Variants in LRRK2 observed in about 807,000 individuals in gnomAD.
LRRK2 encodes leucine rich repeat kinase 2.
Under a neutral mutation model 302.6 loss-of-function variants are expected in LRRK2, and 203 were observed. The observed-to-expected ratio is 0.67, with a 90% CI of 0.60 to 0.75. The LOEUF (loss-of-function observed/expected upper bound fraction) is 0.75, where lower values mean the gene tolerates loss of function less well. Ranked by LOEUF, LRRK2 falls within the 30% of genes least tolerant of loss-of-function variation. The pLI is 0.00. For synonymous variants in LRRK2, 1,066 were observed against 1,031.9 expected (o/e 1.03, Z -0.63); for missense variants, 2,830 against 2,951.0 (o/e 0.96, Z 0.95).
At chr12:40,367,477 T>C in intron 50 of LRRK2, 167 bp from the exon 51 acceptor site, 1 of 533,944 alleles carries the variant, frequency 1.9e-6, no homozygotes, top group Non-Finnish European at 3.1e-6. Context: ...TTATAAAACT[T>C]TTCCAAGTAT....
At chr12:40,284,857 A>G (rs1023189211) in intron 19 of LRRK2, among the ~76,000 whole-genome samples, 16 of 152,102 alleles carry the variant, frequency 1.1e-4, no homozygotes, top group Admixed American at 6.6e-4. Context: ...TGCAAGTAAC[A>G]TGTTTGCTTC....
rs763786946 is a variant in LRRK2 at position 40,363,487 on chromosome 12, G to C, written c.7114G>C (p.Val2372Leu). 6.2e-7 allele frequency: 1 copy of C among 1,612,120 alleles called. No individual in the cohort carries two copies. Among genetic ancestry groups the C allele is most frequent in the Non-Finnish European group, 8.5e-7 (1 of 1,178,760 alleles). Residue 2372 changes from valine to leucine, a missense_variant, in exon 48 of 51, where the codon GTT becomes CTT. By Grantham distance (32) the Val-to-Leu change is conservative. Coordinates refer to ENST00000298910, the MANE Select transcript of LRRK2 (RefSeq NM_198578.4). ...CTATATTGCTAAGCAAAATAGCCCT[G>C]TTGTGGAAGTGTGGGATAAGAAAAC... ...ALYIAKQNSP[V>L]VEVWDKKTEK... is the part of the protein sequence containing the mutation.
chr12:40,352,908 A>G (rs1182324658), intron 44 of LRRK2, among the ~76,000 whole-genome samples: 1 of 152,036 alleles, frequency 6.6e-6, no homozygotes. Flanking sequence ...TTTTCCCCAC[A>G]TTTCCCCCTT....
chr12:40,225,379 A>C, intron 1 of LRRK2, 97 bp downstream of exon 1: 1 of 1,464,914 alleles, frequency 6.8e-7, no homozygotes, highest in Non-Finnish European at 9.4e-7. Context: ...ACCCTGCTCA[A>C]ACCCGGACTC....
intron 38 of LRRK2, among the ~76,000 whole-genome samples, chr12:40,325,864 G>A (rs1197560328): frequency 6.6e-6 from 1 of 152,120 alleles, no homozygotes; most frequent in Admixed American, 6.5e-5. Context: ...GACTTGTTTT[G>A]TGAATATATT....
rs1943972258 is a variant in LRRK2, at chr12:40,287,427, C to A, written c.2577C>A (p.Gly859=). The part of the protein sequence containing the change: ...KSAVEEGTAS[G]SDGNFSEDVL... ...CTGTGGAAGAAGGAACAGCCTCAGG[C>A]AGCGATGGAAATTTTTCTGAAGATG... Residue 859 remains glycine (G), a synonymous_variant, in exon 20 of 51, where the codon GGC becomes GGA. Coordinates refer to ENST00000298910, the MANE Select transcript of LRRK2 (RefSeq NM_198578.4). The A allele has an allele frequency of 1.2e-6, 2 of 1,612,564 alleles. No homozygotes were observed.
Position 40,308,465 on chromosome 12 carries a change from A to C in LRRK2, c.3960-2A>C. 6.2e-7 allele frequency: 1 copy of C among 1,609,398 alleles called. No homozygotes were observed. Among genetic ancestry groups the C allele is most frequent in the Non-Finnish European group, 8.5e-7 (1 of 1,176,328 alleles). ...ATTTTATTTTTATCTTTCAAATACT[A>C]GGTTTCTTCAACAGCGATTAAAAAA... On this transcript the variant is annotated splice_acceptor_variant, in intron 28 of 50. Transcript: ENST00000298910. LOFTEE classifies it high-confidence loss of function.
chr12:40,233,643 A>G (rs1269018393), intron 3 of LRRK2, among the ~76,000 whole-genome samples: 3 of 152,370 alleles, frequency 2.0e-5, no homozygotes, highest in African/African-American at 7.2e-5. Flanking sequence ...AAAATATACC[A>G]GTAATTAGGA....
rs529135148 is a variant in LRRK2 at position 40,295,012 on chromosome 12, G to C, written c.2878+98G>C. 1.9e-5 allele frequency: 14 copies of C among 753,734 alleles called. No homozygotes were observed. In the African/African-American group the frequency reaches 1.9e-4, roughly 10 times the overall value. The allele number at this position is 753,734 out of a possible 1,614,324, so 46.7% of individuals were successfully genotyped here. On this transcript the variant is annotated intron_variant, in intron 22 of 50. Coordinates refer to ENST00000298910, the MANE Select transcript of LRRK2 (RefSeq NM_198578.4). ...AATTATTCAAATATTCTTGGTGCCA[G>C]TTTCATCTTACATAATCTTCATATA...
chr12:40,250,702 C>T (rs1249522250), intron 8 of LRRK2, among the ~76,000 whole-genome samples: 1 of 152,166 alleles, frequency 6.6e-6, no homozygotes, highest in Non-Finnish European at 1.5e-5. Flanking sequence ...TGTCCCTCTC[C>T]CTGTGTTCAT....
chr12:40,229,955 CTTTTT>C (rs71078229), intron 2 of LRRK2, among the ~76,000 whole-genome samples: 3 of 92,926 alleles, frequency 3.2e-5, no homozygotes, highest in East Asian at 4.8e-4. Context: ...TCCTATGTGA[CTTTTT>C]TTTTTTTTTT....
At chr12:40,321,275 T>A in intron 35 of LRRK2, 87 bp downstream of exon 35, 1 of 1,252,412 alleles carries the variant, frequency 8.0e-7, no homozygotes. Flanking sequence ...AGATGGCATA[T>A]GAAAAGTAAT....
intron 13 of LRRK2, among the ~76,000 whole-genome samples, chr12:40,260,593 A>G (rs1942725363): frequency 6.6e-6 from 1 of 152,114 alleles, no homozygotes; most frequent in Admixed American, 6.6e-5. Flanking sequence ...TGCCTTTTAA[A>G]AATGGAAGCC....
rs1946967833 is a variant in LRRK2, at chr12:40,369,258, A to AT, written c.*1494dup. 6.6e-6 allele frequency: 1 copy of AT among 151,852 alleles called. No individual in the cohort carries two copies. The highest frequency in any genetic ancestry group is 2.1e-4 in the South Asian group (1 of 4,832). 9.4% of individuals were successfully genotyped at this position (151,852 alleles called of 1,614,324 possible). On this transcript the variant is annotated 3_prime_UTR_variant, in exon 51 of 51. Transcript: ENST00000298910. ...AAAATGAATACCATATTTAAATGGA[A>AT]TAATAAAGGTTTTTTAAAAACTTTA...
In LRRK2 at chr12:40,249,942, C is replaced by T; in HGVS notation, c.955C>T (p.Leu319Phe). 6.2e-7 allele frequency: 1 copy of T among 1,613,622 alleles called. No homozygotes were observed. Residue 319 changes from leucine to phenylalanine, a missense_variant, in exon 8 of 51, where the codon CTC becomes TTC. By Grantham distance (22) the Leu-to-Phe change is conservative. Coordinates refer to ENST00000298910, the MANE Select transcript of LRRK2 (RefSeq NM_198578.4). The stretch of plus-strand genomic sequence containing the variant: ...CTCAGCGCTCAGCTGTTTGGCCCTC[C>T]TCAGTAAGTAACTTCACTAAAAAGG... ...QISALSCLAL[L>F]TETIFLNQDL...
At chr12:40,302,105 G>T (rs1944652061) in intron 25 of LRRK2, among the ~76,000 whole-genome samples, 1 of 152,102 alleles carries the variant, frequency 6.6e-6, no homozygotes. Context: ...TTGAACCTGG[G>T]AGGCGGAGAT....
intron 19 of LRRK2, among the ~76,000 whole-genome samples, chr12:40,285,062 C>T (rs1175657454): frequency 6.6e-6 from 1 of 152,072 alleles, no homozygotes; most frequent in Non-Finnish European, 1.5e-5. Context: ...CTGAATTTTC[C>T]TCGGTTTCTC....
chr12:40,314,376 A>G (rs1351138865), intron 32 of LRRK2, among the ~76,000 whole-genome samples: 1 of 152,076 alleles, frequency 6.6e-6, no homozygotes, highest in Non-Finnish European at 1.5e-5. Context: ...ACAAATTTAG[A>G]AATCACCTAG....
chr12:40,278,839 A>G (rs183406778), intron 18 of LRRK2, among the ~76,000 whole-genome samples: 1 of 152,306 alleles, frequency 6.6e-6, no homozygotes, highest in Admixed American at 6.5e-5. Context: ...AATTCAAATT[A>G]TCTTTCTTTA....
Sources: allele counts gnomAD v4.1 joint callset (sites outside exome capture counted in the v4.1 genomes callset), GRCh38; gene constraint gnomAD v4.1.1; transcripts MANE v1.5; gene names NCBI Gene and HGNC (gene_info 2026-07-23, HGNC 2026-07-21).